DDA1: variants seen among roughly 807,000 people sequenced by gnomAD.
DDA1 encodes the protein DET1- and DDB1-associated protein 1.
In DDA1, 3 loss-of-function variants were observed where a neutral mutation model predicts 18.6. The observed-to-expected ratio is 0.16, with a 90% CI of 0.07 to 0.42. The LOEUF is 0.42. DDA1 is among the 10% of genes least tolerant of loss of function. The pLI is 0.99. For missense variants in DDA1, 105 were observed against 138.2 expected (o/e 0.76, Z 1.20); for synonymous variants, 52 against 54.0 (o/e 0.96, Z 0.17).
At chr19:17,315,363 CT>C (rs2074206341) in intron 3 of DDA1, among the ~76,000 whole-genome samples, 1 of 54,670 alleles carries the variant, frequency 1.8e-5, no homozygotes, top group African/African-American at 5.8e-5. Flanking sequence ...TATATATACG[CT>C]ATATATATAC....
intron 1 of DDA1, among the ~76,000 whole-genome samples, 156 bp from the exon 2 acceptor site, chr19:17,313,867 G>A (rs532018174): frequency 1.3e-5 from 2 of 152,226 alleles, no homozygotes; most frequent in Admixed American, 6.5e-5. Flanking sequence ...CTGTGGTCCC[G>A]ACAGTGTATC....
At chr19:17,315,190 CACACGTGTAT>C (rs56664053) in intron 3 of DDA1, among the ~76,000 whole-genome samples, 2,582 of 12,974 alleles carry the variant, frequency 0.2, 326 homozygotes, top group Non-Finnish European at 0.3. Context: ...CGTGTATACA[CACACGTGTAT>C]ACACACGTGT....
intron 1 of DDA1, among the ~76,000 whole-genome samples, chr19:17,311,366 A>T (rs2074178158): frequency 6.6e-6 from 1 of 152,052 alleles, no homozygotes; most frequent in African/African-American, 2.4e-5. Context: ...CATATTGGCC[A>T]GGCTGGTCTT....
At chr19:17,316,356 C>T (rs948476256) in intron 4 of DDA1, among the ~76,000 whole-genome samples, 34 of 151,672 alleles carry the variant, frequency 2.2e-4, no homozygotes, top group Admixed American at 7.2e-4. Context: ...CTGAGGCGGG[C>T]GGATCACGAG....
In DDA1 at chr19:17,309,670, T is replaced by C. The variant is rs775378292; in HGVS notation, c.3+13T>C. On this transcript the variant is annotated intron_variant, in intron 1 of 4. Coordinates refer to ENST00000359866, the MANE Select transcript of DDA1 (RefSeq NM_024050.6). ...GAAACAGAAGATGGTGAGGATGGCCTCCAGGCCCCCACTCCCCCTCTGCTA... is the reference window on the plus strand; with the variant it reads ...GAAACAGAAGATGGTGAGGATGGCCCCCAGGCCCCCACTCCCCCTCTGCTA... 1.2e-6 allele frequency: 2 copies of C among 1,612,344 alleles called. No homozygotes were observed. The highest frequency in any genetic ancestry group is 1.7e-6 in the Non-Finnish European group (2 of 1,178,976).
In DDA1 at chr19:17,315,429, C is replaced by CATATATATATATATATATATATATAT. The variant is rs56662339; in HGVS notation, c.137-504_137-479dup. On this transcript the variant is annotated intron_variant, in intron 3 of 4. Transcript: ENST00000359866. Reference sequence around the variant, plus strand: ...ACATACGTGTGTGTGTGTGTGTGTGCATATATATATATATATATATATATA... The same window carrying CATATATATATATATATATATATATAT: ...ACATACGTGTGTGTGTGTGTGTGTGCATATATATATATATATATATATATATATATATATATATATATATATATATA... 1.4e-3 allele frequency among the ~76,000 whole-genome samples: 73 copies of CATATATATATATATATATATATATAT among 52,010 alleles called. 4 individuals are homozygous for CATATATATATATATATATATATATAT. The highest frequency in any genetic ancestry group is 1.9e-3 in the Non-Finnish European group (46 of 23,822). 34.1% of individuals were successfully genotyped at this position (52,010 alleles called of 152,430 possible). A position where few individuals can be genotyped will look rare whatever the true frequency, so the allele number is the denominator to read the frequency against.
rs1237272150 is a variant in DDA1 at position 17,319,917 on chromosome 19, A to T, written c.*261A>T. 1 of 403,720 alleles carries T rather than the reference A, an allele frequency of 2.5e-6. No individual in the cohort carries two copies. The highest frequency in any genetic ancestry group is 4.5e-6 in the Non-Finnish European group (1 of 223,728). The allele number at this position is 403,720 out of a possible 1,614,324, so 25.0% of individuals were successfully genotyped here. A position where few individuals can be genotyped will look rare whatever the true frequency, so the allele number is the denominator to read the frequency against. Reference sequence around the variant, plus strand: ...TTGGTAGATGCTTTTTAAAAAAAACAACATTGTCCCCCCGACCCCCGCCTT... The same window carrying T: ...TTGGTAGATGCTTTTTAAAAAAAACTACATTGTCCCCCCGACCCCCGCCTT... On this transcript the variant is annotated 3_prime_UTR_variant, in exon 5 of 5. Coordinates refer to ENST00000359866, the MANE Select transcript of DDA1 (RefSeq NM_024050.6).
intron 1 of DDA1, among the ~76,000 whole-genome samples, chr19:17,311,310 C>T (rs1568352339): frequency 6.6e-6 from 1 of 152,038 alleles, no homozygotes. Context: ...GGACCCACCA[C>T]CATGCCCGGC....
Position 17,309,662 on chromosome 19 carries a change from G to A in DDA1, c.3+5G>A. On this transcript the variant is annotated splice_donor_5th_base_variant and intron_variant, in intron 1 of 4. Transcript: ENST00000359866. ...CGACGGAGGAAACAGAAGATGGTGA[G>A]GATGGCCTCCAGGCCCCCACTCCCC... is the stretch of plus-strand genomic sequence containing the variant. 6.2e-7 allele frequency: 1 copy of A among 1,612,742 alleles called. No individual in the cohort carries two copies. Among genetic ancestry groups the A allele is most frequent in the Non-Finnish European group, 8.5e-7 (1 of 1,179,220 alleles).
Position 17,319,987 on chromosome 19 carries a change from A to C in DDA1, c.*331A>C. Reference sequence around the variant, plus strand: ...ATTCCTGCCCCCAGTTCTCCAGAGAACCAGAGTGTGTCTGTGAGAGTCTCT... The same window carrying C: ...ATTCCTGCCCCCAGTTCTCCAGAGACCCAGAGTGTGTCTGTGAGAGTCTCT... On this transcript the variant is annotated 3_prime_UTR_variant, in exon 5 of 5. Transcript: ENST00000359866. 2 of 261,368 alleles carry C rather than the reference A, an allele frequency of 7.7e-6. No homozygotes were observed. Among genetic ancestry groups the C allele is most frequent in the South Asian group, 4.3e-5 (1 of 23,134 alleles). 16.2% of individuals were successfully genotyped at this position (261,368 alleles called of 1,614,324 possible).
At chr19:17,319,377 A>G (rs2074228551) in intron 4 of DDA1, among the ~76,000 whole-genome samples, 169 bp from the exon 5 acceptor site, 1 of 152,242 alleles carries the variant, frequency 6.6e-6, no homozygotes, top group Admixed American at 6.5e-5. Flanking sequence ...CAGCTGGGCA[A>G]CATAGTGAAA....
chr19:17,312,236 G>T (rs1040738794), intron 1 of DDA1, among the ~76,000 whole-genome samples: 2 of 152,180 alleles, frequency 1.3e-5, no homozygotes, highest in Non-Finnish European at 2.9e-5. Flanking sequence ...ACCGGGCCCT[G>T]TGTGAGCCCG....
intron 1 of DDA1, chr19:17,310,240 C>T (rs558629128): frequency 6.5e-6 from 1 of 152,928 alleles, no homozygotes; most frequent in Admixed American, 6.5e-5. Context: ...TAGCAGTAGT[C>T]TGAACCTCTT....
intron 1 of DDA1, 48 bp downstream of exon 1, chr19:17,309,705 G>A (rs1354762408): frequency 6.2e-7 from 1 of 1,602,480 alleles, no homozygotes; most frequent in Non-Finnish European, 8.5e-7. Flanking sequence ...AGACAAAATG[G>A]CGCTGTGGTC....
At chr19:17,312,687 C>T (rs2074184785) in intron 1 of DDA1, among the ~76,000 whole-genome samples, 1 of 152,222 alleles carries the variant, frequency 6.6e-6, no homozygotes, top group South Asian at 2.1e-4. Context: ...TTCCTGTGCA[C>T]TGTGCAGCTC....
Position 17,309,571 on chromosome 19 carries a change from G to T in DDA1, c.-84G>T, listed in dbSNP as rs1233285841. On this transcript the variant is annotated 5_prime_UTR_variant, in exon 1 of 5. Transcript: ENST00000359866. ...GGCTGTGCCGTGGCTGGAAGTTACT[G>T]TGAGGCGGCGGCTAAGAAGGCGGCT... is the stretch of plus-strand genomic sequence containing the variant. 2 of 1,421,768 alleles carry T rather than the reference G, an allele frequency of 1.4e-6. No individual in the cohort carries two copies. The highest frequency in any genetic ancestry group is 2.0e-6 in the Non-Finnish European group (2 of 1,009,060). 88.1% of individuals were successfully genotyped at this position (1,421,768 alleles called of 1,614,324 possible).
At chr19:17,313,947 C>A in intron 1 of DDA1, 76 bp from the exon 2 acceptor site, 2 of 1,181,312 alleles carry the variant, frequency 1.7e-6, no homozygotes, top group African/African-American at 1.5e-5. Context: ...AGGAACCCAG[C>A]AGTCACCCTG....
At chr19:17,310,485 T>C (rs2074174142) in intron 1 of DDA1, among the ~76,000 whole-genome samples, 1 of 152,150 alleles carries the variant, frequency 6.6e-6, no homozygotes. Flanking sequence ...ACCTGAAAAG[T>C]GGGATGGTGA....
At chr19:17,315,804 A>G (rs866944105) in intron 3 of DDA1, 130 bp from the exon 4 acceptor site, 1 of 877,604 alleles carries the variant, frequency 1.1e-6, no homozygotes, top group Non-Finnish European at 1.9e-6. Context: ...AAGCAAAAAC[A>G]TGGGACTTTT....
Sources: gnomAD v4.1 joint callset for allele counts (sites outside exome capture counted in the v4.1 genomes callset) on GRCh38, gnomAD v4.1.1 for gene constraint, MANE v1.5 for transcripts, NCBI Gene and HGNC (gene_info 2026-07-23, HGNC 2026-07-21) for gene names.